Variants in NCAM2 observed in about 807,000 individuals in gnomAD.
The protein encoded by NCAM2 is neural cell adhesion molecule 2, also known as N-CAM-2.
In NCAM2, 30 loss-of-function variants were observed where a neutral mutation model predicts 98.1. The ratio of observed to expected loss-of-function variants is 0.31; its 90% CI spans 0.23 to 0.41. The LOEUF (loss-of-function observed/expected upper bound fraction) is 0.41, where lower values mean the gene tolerates loss of function less well. Ranked by LOEUF, NCAM2 falls within the 10% of genes least tolerant of loss-of-function variation. The pLI is 1.00. For missense variants in NCAM2, 867 were observed against 1,005.8 expected, an observed-to-expected ratio of 0.86 and a Z score of 1.87; for synonymous variants, 368 against 342.4, an observed-to-expected ratio of 1.07 and a Z score of -0.83.
chr21:21,452,168 CCACACACA>C lies in NCAM2; in HGVS notation c.1655-14417_1655-14410del, dbSNP rs10591491. On this transcript the variant is annotated intron_variant, in intron 12 of 17. Transcript: ENST00000400546. ...CCTCTGATTTATAAATGTGAACTGACCACACACACACACACACACACACACACATAGAT... is the reference window on the plus strand; with the variant it reads ...CCTCTGATTTATAAATGTGAACTGACCACACACACACACACACACATAGAT... Among the ~76,000 whole-genome samples the C allele has an allele frequency of 4.8e-3, 689 of 144,960 alleles. 8 individuals carry two copies. Among genetic ancestry groups the C allele is most frequent in the African/African-American group, 0.016 (647 of 39,750 alleles).
chr21:21,153,354 TG>T (rs1389605980), intron 1 of NCAM2, among the ~76,000 whole-genome samples: 6 of 151,850 alleles, frequency 4.0e-5, no homozygotes, highest in Non-Finnish European at 5.9e-5. Flanking sequence ...CTTTATATGC[TG>T]TCAGTATTCT....
At chr21:21,223,720 C>A (rs1218323456) in intron 1 of NCAM2, 1 of 152,046 alleles carries the variant, frequency 6.6e-6, no homozygotes, top group Non-Finnish European at 1.5e-5. Flanking sequence ...AAGTTCTTTT[C>A]CGACTAGAGT....
At chr21:21,214,407 G>T (rs930330575) in intron 1 of NCAM2, among the ~76,000 whole-genome samples, 2 of 151,984 alleles carry the variant, frequency 1.3e-5, no homozygotes, top group Non-Finnish European at 2.9e-5. Context: ...TGAAAATTTG[G>T]GTAGGGTCAC....
intron 8 of NCAM2, among the ~76,000 whole-genome samples, chr21:21,368,712 A>T (rs1394016045): frequency 6.6e-6 from 1 of 151,760 alleles, no homozygotes; most frequent in Non-Finnish European, 1.5e-5. Context: ...TCATGATCTA[A>T]TCAACTCCCA....
intron 15 of NCAM2, among the ~76,000 whole-genome samples, chr21:21,482,866 T>G (rs1986016137): frequency 1.3e-5 from 2 of 151,972 alleles, no homozygotes; most frequent in African/African-American, 4.8e-5. Flanking sequence ...GTGTTCCTTT[T>G]CAGAATATTC....
chr21:21,527,003 C>A (rs1256879294), intron 16 of NCAM2, among the ~76,000 whole-genome samples: 1 of 151,860 alleles, frequency 6.6e-6, no homozygotes, highest in Non-Finnish European at 1.5e-5. Flanking sequence ...AAATATAAAT[C>A]AAAAAATTAT....
intron 15 of NCAM2, among the ~76,000 whole-genome samples, chr21:21,495,158 A>AATT (rs1226328707): frequency 1.3e-5 from 2 of 151,872 alleles, no homozygotes; most frequent in Non-Finnish European, 2.9e-5. Flanking sequence ...ATTCCAAATA[A>AATT]ATATATAGAG....
chr21:21,522,884 A>G (rs1989110713), intron 16 of NCAM2, among the ~76,000 whole-genome samples: 3 of 152,028 alleles, frequency 2.0e-5, no homozygotes, highest in Non-Finnish European at 4.4e-5. Flanking sequence ...TCGGCCTCCC[A>G]AAGTGCTGGG....
chr21:21,010,905 A>C (rs1393320655), intron 1 of NCAM2, among the ~76,000 whole-genome samples: 1 of 152,146 alleles, frequency 6.6e-6, no homozygotes, highest in African/African-American at 2.4e-5. Flanking sequence ...CTCAAAGACT[A>C]ATCACTGTTT....
chr21:21,214,586 C>T (rs896602577), intron 1 of NCAM2, among the ~76,000 whole-genome samples: 1 of 151,742 alleles, frequency 6.6e-6, no homozygotes, highest in Non-Finnish European at 1.5e-5. Flanking sequence ...TAAGGAAGAA[C>T]TACTTACAAT....
chr21:21,072,249 T>C (rs548846786), intron 1 of NCAM2, among the ~76,000 whole-genome samples: 1 of 152,240 alleles, frequency 6.6e-6, no homozygotes, highest in African/African-American at 2.4e-5. Context: ...ATATGACATG[T>C]TTAAATGGAA....
intron 8 of NCAM2, among the ~76,000 whole-genome samples, chr21:21,344,974 A>G (rs757960866): frequency 4.6e-5 from 7 of 152,148 alleles, no homozygotes; most frequent in Non-Finnish European, 8.8e-5. Flanking sequence ...AGAGAACAAG[A>G]GTCTCTGCCT....
At chr21:21,227,447 C>T (rs2070433324) in intron 1 of NCAM2, among the ~76,000 whole-genome samples, 1 of 151,434 alleles carries the variant, frequency 6.6e-6, no homozygotes, top group Non-Finnish European at 1.5e-5. Context: ...AGTCAAAACC[C>T]CAAGGATCTA....
intron 1 of NCAM2, among the ~76,000 whole-genome samples, chr21:21,184,980 C>T (rs1027325664): frequency 3.3e-5 from 5 of 152,182 alleles, no homozygotes; most frequent in Admixed American, 3.3e-4. Context: ...ATAGGGGAGT[C>T]AGCACTAATT....
chr21:21,401,691 C>T (rs2076633521), intron 9 of NCAM2, among the ~76,000 whole-genome samples: 1 of 152,132 alleles, frequency 6.6e-6, no homozygotes, highest in Admixed American at 6.5e-5. Flanking sequence ...ATCCATTCAT[C>T]TACTGATGCA....
Position 21,037,719 on chromosome 21 carries a change from G to C in NCAM2, c.55+39101G>C, listed in dbSNP as rs76051358. Among the ~76,000 whole-genome samples, 507 of 152,282 alleles carry C rather than the reference G, an allele frequency of 3.3e-3. 3 individuals carry two copies. The highest frequency in any genetic ancestry group is 0.012 in the African/African-American group (490 of 41,574). ...TATTACTGGAATTTGGATTTTGTCA[G>C]TTAAAAATTTAAGTTTAAGAGTAGA... is the stretch of plus-strand genomic sequence containing the variant. On this transcript the variant is annotated intron_variant, in intron 1 of 17. Transcript: ENST00000400546.
intron 1 of NCAM2, among the ~76,000 whole-genome samples, chr21:21,106,623 G>A (rs1217361355): frequency 6.6e-6 from 1 of 151,150 alleles, no homozygotes; most frequent in East Asian, 2.0e-4. Flanking sequence ...TACATCTTTA[G>A]GTCTTTAGAA....
intron 11 of NCAM2, among the ~76,000 whole-genome samples, chr21:21,425,256 G>A (rs2077192424): frequency 6.6e-6 from 1 of 150,812 alleles, no homozygotes. Context: ...AAAATTTAAA[G>A]TATAATAAAA....
chr21:21,432,045 A>C (rs915868639), intron 11 of NCAM2, 63 bp from the exon 12 acceptor site: 5 of 1,486,410 alleles, frequency 3.4e-6, no homozygotes, highest in Non-Finnish European at 4.6e-6. Flanking sequence ...TAACACCATA[A>C]GCCTTAATAA....
Sources: allele counts gnomAD v4.1 joint callset (sites outside exome capture counted in the v4.1 genomes callset), GRCh38; gene constraint gnomAD v4.1.1; transcripts MANE v1.5; gene names NCBI Gene and HGNC (gene_info 2026-07-23, HGNC 2026-07-21).